Variants in MICU2 observed in about 807,000 individuals in gnomAD.
MICU2 encodes the protein mitochondrial calcium uptake 2.
A neutral mutation model predicts 60.4 loss-of-function variants in MICU2; 64 were observed. The ratio of observed to expected loss-of-function variants is 1.06; its 90% CI spans 0.87 to 1.31. The LOEUF is 1.31. MICU2 is among the 50% of genes most tolerant of loss of function. The pLI, the probability that MICU2 is intolerant of heterozygous loss-of-function variation, is 0.00. For missense variants in MICU2, 569 were observed against 531.0 expected, an observed-to-expected ratio of 1.07 and a Z score of -0.70; for synonymous variants, 201 against 175.0, an observed-to-expected ratio of 1.15 and a Z score of -1.17.
chr13:21,551,753 C>G lies in MICU2; in HGVS notation c.359-12065G>C, dbSNP rs539391019. On this transcript the variant is annotated intron_variant, in intron 2 of 11. Coordinates refer to ENST00000382374, the MANE Select transcript of MICU2 (RefSeq NM_152726.3). ...GTTTCCAGCTTCATCCATGTCCCTA[C>G]AAAGGACATGAACTCATCATTTTTT... Among the ~76,000 whole-genome samples, 589 of 152,024 alleles carry G rather than the reference C, an allele frequency of 3.9e-3. 10 individuals carry two copies. The highest frequency in any genetic ancestry group is 0.013 in the African/African-American group (547 of 41,476).
intron 5 of MICU2, 38 bp from the exon 6 acceptor site, chr13:21,521,365 G>A: frequency 6.5e-7 from 1 of 1,547,168 alleles, no homozygotes; most frequent in Non-Finnish European, 8.8e-7. Context: ...AAATGTTGAT[G>A]AAAACCAAGT....
intron 1 of MICU2, among the ~76,000 whole-genome samples, chr13:21,594,432 G>T (rs1048436660): frequency 6.6e-6 from 1 of 152,162 alleles, no homozygotes; most frequent in Non-Finnish European, 1.5e-5. Context: ...ACTATTGGTG[G>T]GAGTGTAAAT....
chr13:21,494,074 G>A (rs2138123678), intron 11 of MICU2, among the ~76,000 whole-genome samples: 1 of 152,172 alleles, frequency 6.6e-6, no homozygotes, highest in Admixed American at 6.5e-5. Flanking sequence ...GAGACTCCCA[G>A]GTACACTCAA....
intron 2 of MICU2, among the ~76,000 whole-genome samples, chr13:21,561,748 G>T (rs1887848805): frequency 7.4e-6 from 1 of 134,710 alleles, no homozygotes; most frequent in African/African-American, 2.7e-5. Context: ...AAGTTTTAGG[G>T]TACATGTGCA....
chr13:21,531,486 A>T (rs965494787), intron 4 of MICU2, among the ~76,000 whole-genome samples: 3 of 152,180 alleles, frequency 2.0e-5, no homozygotes, highest in African/African-American at 7.2e-5. Flanking sequence ...TGCTGCTGCT[A>T]CTCAGACTAG....
intron 2 of MICU2, among the ~76,000 whole-genome samples, chr13:21,559,836 T>G (rs1448083047): frequency 6.6e-6 from 1 of 152,154 alleles, no homozygotes; most frequent in African/African-American, 2.4e-5. Context: ...AAAGTAGTAG[T>G]TTCAATTGGC....
At chr13:21,526,086 T>A (rs1018898943) in intron 4 of MICU2, among the ~76,000 whole-genome samples, 21 of 150,948 alleles carry the variant, frequency 1.4e-4, no homozygotes, top group African/African-American at 5.1e-4. Flanking sequence ...CACAGGCATG[T>A]GCCACCATGT....
At chr13:21,573,563 C>T (rs1472667591) in intron 1 of MICU2, among the ~76,000 whole-genome samples, 8 of 152,054 alleles carry the variant, frequency 5.3e-5, no homozygotes, top group African/African-American at 4.8e-5. Context: ...TGAGCCACTG[C>T]GCCCAGCTTG....
chr13:21,603,744 A>G (rs1390988769), intron 1 of MICU2, 195 bp downstream of exon 1: 9 of 606,848 alleles, frequency 1.5e-5, no homozygotes, highest in Non-Finnish European at 2.6e-5. Context: ...ACCAGCCTCG[A>G]AGGCCCTCGG....
chr13:21,604,122 C>G lies in MICU2; in HGVS notation c.27G>C (p.Ala9=). 2 of 1,572,708 alleles carry G rather than the reference C, an allele frequency of 1.3e-6. No homozygotes were observed. Among genetic ancestry groups the G allele is most frequent in the East Asian group, 2.4e-5 (1 of 42,072 alleles). Residue 9 remains alanine, a synonymous_variant, in exon 1 of 12, where the codon GCG becomes GCC. Transcript: ENST00000382374. The part of the protein sequence containing the change: MAAAAGSC[A]RVAAWGGKLR... Reference sequence around the variant, plus strand: ...GTTTTCCGCCCCAGGCCGCCACCCGCGCGCAGCTACCCGCAGCCGCCGCCA... The same window carrying G: ...GTTTTCCGCCCCAGGCCGCCACCCGGGCGCAGCTACCCGCAGCCGCCGCCA...
intron 2 of MICU2, among the ~76,000 whole-genome samples, chr13:21,543,705 T>C (rs1368229706): frequency 6.6e-6 from 1 of 152,004 alleles, no homozygotes; most frequent in Non-Finnish European, 1.5e-5. Flanking sequence ...GGCTCGTGGA[T>C]CAGAAGAATT....
chr13:21,574,446 G>A (rs1888179677), intron 1 of MICU2, among the ~76,000 whole-genome samples: 1 of 152,206 alleles, frequency 6.6e-6, no homozygotes, highest in African/African-American at 2.4e-5. Context: ...AATGAGTGAT[G>A]TGAACTGGAT....
At chr13:21,533,569 C>T (rs1011253221) in intron 4 of MICU2, among the ~76,000 whole-genome samples, 27 of 151,756 alleles carry the variant, frequency 1.8e-4, no homozygotes, top group Admixed American at 1.1e-3. Flanking sequence ...GTGATCCGCC[C>T]GCCTCAGCCT....
chr13:21,600,922 G>A (rs965208406), intron 1 of MICU2, among the ~76,000 whole-genome samples: 10 of 152,022 alleles, frequency 6.6e-5, no homozygotes, highest in Non-Finnish European at 8.8e-5. Context: ...TCAGGCCCCC[G>A]AGTGGCTGGG....
At chr13:21,574,870 A>G (rs2138049928) in intron 1 of MICU2, among the ~76,000 whole-genome samples, 1 of 152,362 alleles carries the variant, frequency 6.6e-6, no homozygotes, top group Middle Eastern at 3.4e-3. Context: ...CAACTTTTCC[A>G]TTTTGTTCTG....
At chr13:21,595,649 C>G (rs1888676709) in intron 1 of MICU2, among the ~76,000 whole-genome samples, 1 of 152,264 alleles carries the variant, frequency 6.6e-6, no homozygotes, top group South Asian at 2.1e-4. Context: ...CAATACTGTA[C>G]TCTAGTTCCA....
At chr13:21,549,131 G>A (rs185857343) in intron 2 of MICU2, among the ~76,000 whole-genome samples, 40 of 151,562 alleles carry the variant, frequency 2.6e-4, no homozygotes, top group African/African-American at 4.4e-4. Flanking sequence ...GGGTTTCACC[G>A]TGTTAGCCAG....
At position 21,512,670 on chromosome 13, in the gene MICU2, C is replaced by T. The variant is rs755199283; in HGVS notation, c.663+1683G>A. Among the ~76,000 whole-genome samples the T allele has an allele frequency of 6.6e-5, 10 of 152,012 alleles. No homozygotes were observed. The East Asian group carries it at 1.4e-3, about 21-fold the overall frequency. On this transcript the variant is annotated intron_variant, in intron 7 of 11. Coordinates refer to ENST00000382374, the MANE Select transcript of MICU2 (RefSeq NM_152726.3). ...TTCACCATGTTAGCCAGGATGGTCTCGATCTCCTGACCTCGTTATCTGCCC... is the reference window on the plus strand; with the variant it reads ...TTCACCATGTTAGCCAGGATGGTCTTGATCTCCTGACCTCGTTATCTGCCC...
intron 2 of MICU2, among the ~76,000 whole-genome samples, chr13:21,550,790 C>T (rs1351989716): frequency 2.0e-5 from 3 of 148,016 alleles, no homozygotes; most frequent in Non-Finnish European, 3.0e-5. Flanking sequence ...TTTACAACAA[C>T]GCTTTGACGT....
Sources: gnomAD v4.1 joint callset for allele counts (sites outside exome capture counted in the v4.1 genomes callset) on GRCh38, gnomAD v4.1.1 for gene constraint, MANE v1.5 for transcripts, NCBI Gene and HGNC (gene_info 2026-07-23, HGNC 2026-07-21) for gene names.